RASSF3: variants seen among roughly 807,000 people sequenced by gnomAD.
RASSF3 encodes the protein ras association domain-containing protein 3.
A neutral mutation model predicts 19.9 loss-of-function variants in RASSF3; 19 were observed. The ratio of observed to expected loss-of-function variants is 0.96; its 90% CI spans 0.67 to 1.40. The LOEUF is 1.40. Among genes scored for constraint, RASSF3 ranks in the 40% most tolerant of loss-of-function variants. RASSF3 has a pLI of 0.00. For synonymous variants in RASSF3, 110 were observed against 104.2 expected (o/e 1.06, Z -0.34); for missense variants, 306 against 289.8 (o/e 1.06, Z -0.41).
intron 2 of RASSF3, among the ~76,000 whole-genome samples, chr12:64,581,956 C>T (rs1869709417): frequency 6.6e-6 from 1 of 151,960 alleles, no homozygotes; most frequent in South Asian, 2.1e-4. Context: ...CAGCCTTGAC[C>T]TTCCAGGCTC....
chr12:64,555,642 G>A (rs7137621), intron 2 of RASSF3, among the ~76,000 whole-genome samples: 71,063 of 151,836 alleles, frequency 0.47, 18,957 homozygotes, highest in Non-Finnish European at 0.6. Flanking sequence ...CCAGCTACTC[G>A]GGAGGCTGAG....
chr12:64,508,975 A>G (rs561001546), intron 1 of RASSF3, among the ~76,000 whole-genome samples: 6 of 152,150 alleles, frequency 3.9e-5, no homozygotes, highest in African/African-American at 7.2e-5. Context: ...GGACATTTCA[A>G]TCTTCCATTT....
intron 1 of RASSF3, among the ~76,000 whole-genome samples, chr12:64,647,103 T>C (rs1286571585): frequency 2.0e-5 from 3 of 152,162 alleles, no homozygotes; most frequent in East Asian, 1.9e-4. Flanking sequence ...TTAATAAAAA[T>C]GATCTCTATG....
intron 2 of RASSF3, among the ~76,000 whole-genome samples, chr12:64,573,697 CACA>C (rs1869554364): frequency 6.6e-6 from 1 of 152,184 alleles, no homozygotes; most frequent in Non-Finnish European, 1.5e-5. Context: ...AAGCAGCCTT[CACA>C]ACATGGCAGC....
chr12:64,542,169 A>G (rs1401367271), downstream of RASSF3, among the ~76,000 whole-genome samples: 1 of 152,162 alleles, frequency 6.6e-6, no homozygotes, highest in African/African-American at 2.4e-5. Context: ...AAAATAAATT[A>G]GCTGGGTGTG....
intron 1 of RASSF3, among the ~76,000 whole-genome samples, chr12:64,636,203 G>A (rs1871325728): frequency 6.6e-6 from 1 of 151,322 alleles, no homozygotes; most frequent in Non-Finnish European, 1.5e-5. Context: ...TTCAACCCCC[G>A]CTTGCCAGGT....
At chr12:64,596,191 A>AC (rs1869996919) in intron 2 of RASSF3, among the ~76,000 whole-genome samples, 1 of 152,184 alleles carries the variant, frequency 6.6e-6, no homozygotes, top group African/African-American at 2.4e-5. Context: ...GCTTTGTTGA[A>AC]CCCAAGCATA....
At chr12:64,646,737 T>C (rs1871747864) in intron 1 of RASSF3, among the ~76,000 whole-genome samples, 1 of 142,986 alleles carries the variant, frequency 7.0e-6, no homozygotes, top group African/African-American at 2.5e-5. Flanking sequence ...GTGTTTGGTT[T>C]CTCTCTCCAT....
At chr12:64,559,200 C>T (rs909705784) in intron 2 of RASSF3, among the ~76,000 whole-genome samples, 3 of 151,766 alleles carry the variant, frequency 2.0e-5, no homozygotes, top group Admixed American at 2.0e-4. Context: ...TGGTGAACGG[C>T]GTGTCCTCTG....
intron 2 of RASSF3, among the ~76,000 whole-genome samples, chr12:64,585,530 AG>A (rs1253919091): frequency 2.7e-5 from 4 of 150,922 alleles, no homozygotes; most frequent in Non-Finnish European, 4.4e-5. Flanking sequence ...ATGAGTGAAG[AG>A]GGGGGAAAAT....
intron 1 of RASSF3, among the ~76,000 whole-genome samples, chr12:64,622,301 C>A (rs1323129917): frequency 6.7e-6 from 1 of 150,170 alleles, no homozygotes; most frequent in Non-Finnish European, 1.5e-5. Context: ...AGCTCGTTAT[C>A]CGCCTGCCTT....
chr12:64,691,726 G>C (rs1868285942), intron 4 of RASSF3, 147 bp downstream of exon 4: 1 of 602,178 alleles, frequency 1.7e-6, no homozygotes, highest in East Asian at 2.8e-5. Context: ...GAGTTGGAGG[G>C]CAGGGAGAGG....
chr12:64,574,538 G>A lies in RASSF3; in HGVS notation c.294+32833G>A, dbSNP rs147240891. Among the ~76,000 whole-genome samples, 5 of 152,278 alleles carry A rather than the reference G, an allele frequency of 3.3e-5. No homozygotes were observed. The East Asian group carries it at 9.6e-4, about 29-fold the overall frequency. On this transcript the variant is annotated intron_variant, in intron 2 of 5. Transcript: ENST00000637125. ...CCCTTGACTCTGGACTCAGGCATAT[G>A]ACTTGCTTTGGCCAGTGGGATATTG...
At chr12:64,549,084 T>A (rs572131021) in intron 2 of RASSF3, among the ~76,000 whole-genome samples, 1 of 152,048 alleles carries the variant, frequency 6.6e-6, no homozygotes, top group African/African-American at 2.4e-5. Context: ...GAATTTCTAA[T>A]TGGGGTAAGG....
chr12:64,587,663 A>G (rs1039881128), intron 2 of RASSF3, among the ~76,000 whole-genome samples: 6 of 152,174 alleles, frequency 3.9e-5, no homozygotes, highest in African/African-American at 9.7e-5. Flanking sequence ...TATGCATCCA[A>G]TGCAGAGGGT....
intron 1 of RASSF3, among the ~76,000 whole-genome samples, chr12:64,662,660 G>A (rs1872410517): frequency 6.6e-6 from 1 of 152,290 alleles, no homozygotes; most frequent in Non-Finnish European, 1.5e-5. Flanking sequence ...TGGTCTCTGC[G>A]TGTGTATATG....
chr12:64,561,492 T>C (rs1306063737), intron 2 of RASSF3, among the ~76,000 whole-genome samples: 1 of 151,984 alleles, frequency 6.6e-6, no homozygotes, highest in Non-Finnish European at 1.5e-5. Context: ...ACAAACAAAA[T>C]TGCTCCCCCA....
intron 2 of RASSF3, among the ~76,000 whole-genome samples, chr12:64,575,321 A>T (rs1025711827): frequency 6.6e-6 from 1 of 152,208 alleles, no homozygotes; most frequent in Non-Finnish European, 1.5e-5. Flanking sequence ...TGGGAGGCCA[A>T]GGCGGGCAGA....
intron 2 of RASSF3, among the ~76,000 whole-genome samples, chr12:64,595,006 C>T (rs1011204176): frequency 2.6e-5 from 4 of 151,078 alleles, no homozygotes; most frequent in African/African-American, 9.7e-5. Context: ...CACACACATG[C>T]ACACTACATA....
Sources: gnomAD v4.1 joint callset for allele counts (sites outside exome capture counted in the v4.1 genomes callset) on GRCh38, gnomAD v4.1.1 for gene constraint, MANE v1.5 for transcripts, NCBI Gene and HGNC (gene_info 2026-07-23, HGNC 2026-07-21) for gene names.